TLK1: variants seen among roughly 807,000 people sequenced by gnomAD.
TLK1 encodes the protein tousled like kinase 1, also known as serine/threonine-protein kinase tousled-like 1.
In TLK1, 24 loss-of-function variants were observed where a neutral mutation model predicts 105.3. The observed-to-expected ratio is 0.23, with a 90% confidence interval of 0.17 to 0.32. TLK1 has a LOEUF of 0.32. TLK1 is among the 10% of genes least tolerant of loss of function. The pLI, the probability that TLK1 is intolerant of heterozygous loss-of-function variation, is 1.00. For synonymous variants in TLK1, 321 were observed against 310.4 expected (o/e 1.03, Z -0.36); for missense variants, 558 against 910.5 (o/e 0.61, Z 4.98).
intron 1 of TLK1, among the ~76,000 whole-genome samples, chr2:171,119,642 G>A (rs564971915): frequency 1.8e-4 from 28 of 152,282 alleles, no homozygotes; most frequent in South Asian, 1.2e-3. Flanking sequence ...ATAGAGCAAT[G>A]GGATAAAACA....
intron 2 of TLK1, among the ~76,000 whole-genome samples, chr2:171,108,524 T>C (rs1173054022): frequency 6.6e-6 from 1 of 151,776 alleles, no homozygotes; most frequent in Admixed American, 6.6e-5. Context: ...AAAAATGTAA[T>C]AAACAAAACT....
chr2:171,216,433 G>A (rs1320301529), intron 1 of TLK1, among the ~76,000 whole-genome samples: 1 of 152,112 alleles, frequency 6.6e-6, no homozygotes, highest in Non-Finnish European at 1.5e-5. Context: ...CCGAGATCAT[G>A]CCACTGCACT....
intron 8 of TLK1, 71 bp from the exon 9 acceptor site, chr2:171,050,245 T>C: frequency 1.8e-6 from 2 of 1,084,368 alleles, no homozygotes; most frequent in South Asian, 3.3e-5. Context: ...AGTTTTAATG[T>C]TCTAAATAAA....
chr2:171,033,891 T>TA lies in TLK1; in HGVS notation c.1170-5487_1170-5486insT, dbSNP rs763910676. Among the ~76,000 whole-genome samples, 532 of 134,362 alleles carry TA rather than the reference T, an allele frequency of 4.0e-3. 4 individuals carry two copies. Among genetic ancestry groups the TA allele is most frequent in the South Asian group, 0.031 (131 of 4,160 alleles). The allele number at this position is 134,362 out of a possible 152,430, so 88.1% of individuals were successfully genotyped here. On this transcript the variant is annotated intron_variant, in intron 11 of 20. Coordinates refer to ENST00000431350, the MANE Select transcript of TLK1 (RefSeq NM_012290.5). The stretch of plus-strand genomic sequence containing the variant: ...GTTAAGGGTTTAGTATCCAGATTTT[T>TA]TAAAAAAAAAAAAAAACCTCCCACA...
At chr2:171,225,820 C>T (rs1217923806) in intron 1 of TLK1, among the ~76,000 whole-genome samples, 1 of 152,148 alleles carries the variant, frequency 6.6e-6, no homozygotes, top group East Asian at 1.9e-4. Flanking sequence ...TTTCCCTGAC[C>T]TAAACTGAGA....
intron 20 of TLK1, among the ~76,000 whole-genome samples, chr2:170,995,105 T>C (rs575490755): frequency 1.3e-5 from 2 of 152,278 alleles, no homozygotes; most frequent in Non-Finnish European, 1.5e-5. Context: ...AGAGGACTTA[T>C]CTTTTTTATC....
At chr2:171,179,860 A>G (rs75258518) in intron 1 of TLK1, among the ~76,000 whole-genome samples, 6,856 of 152,166 alleles carry the variant, frequency 0.045, 444 homozygotes, top group East Asian at 0.3. Context: ...TTGAGAGGCC[A>G]AGGCTGGTGG....
intron 11 of TLK1, chr2:171,045,511 G>C (rs938403687): frequency 2.0e-5 from 3 of 150,834 alleles, no homozygotes; most frequent in Non-Finnish European, 4.4e-5. Flanking sequence ...CACCGTGCCC[G>C]GTCTATGTAT....
chr2:171,155,149 A>G (rs185812357), intron 1 of TLK1, among the ~76,000 whole-genome samples: 13 of 152,272 alleles, frequency 8.5e-5, no homozygotes, highest in Non-Finnish European at 1.3e-4. Context: ...CTCTAGCTTT[A>G]AAAACATTAG....
chr2:171,108,605 T>A (rs943121070), intron 2 of TLK1, among the ~76,000 whole-genome samples: 4 of 141,626 alleles, frequency 2.8e-5, no homozygotes, highest in African/African-American at 1.1e-4. Context: ...ATGCATTTAA[T>A]TTTTTTTTTT....
At chr2:171,117,694 TA>T (rs779234746) in intron 2 of TLK1, 44 bp downstream of exon 2, 1 of 1,466,322 alleles carries the variant, frequency 6.8e-7, no homozygotes, top group African/African-American at 1.4e-5. Flanking sequence ...TTAGATCATT[TA>T]ATAGAAAGAA....
At chr2:171,152,330 C>A (rs1206488273) in intron 1 of TLK1, among the ~76,000 whole-genome samples, 1 of 152,160 alleles carries the variant, frequency 6.6e-6, no homozygotes, top group East Asian at 1.9e-4. Context: ...TCTTGAAATT[C>A]ATTAAATTTC....
At chr2:171,112,372 G>A (rs1023375706) in intron 2 of TLK1, among the ~76,000 whole-genome samples, 21 of 152,286 alleles carry the variant, frequency 1.4e-4, no homozygotes, top group African/African-American at 5.1e-4. Context: ...AGAAAAATCT[G>A]AGTCTTTTAA....
intron 3 of TLK1, among the ~76,000 whole-genome samples, chr2:171,080,342 T>C (rs894604169): frequency 2.6e-5 from 4 of 151,938 alleles, no homozygotes; most frequent in Non-Finnish European, 4.4e-5. Context: ...TCATAAACTT[T>C]ACTACTAGGA....
intron 18 of TLK1, among the ~76,000 whole-genome samples, chr2:171,001,620 C>A (rs1325171668): frequency 6.6e-6 from 1 of 152,198 alleles, no homozygotes; most frequent in Non-Finnish European, 1.5e-5. Flanking sequence ...TAGAGTTACC[C>A]TGTCCCTTCC....
chr2:171,024,983 G>A (rs773136887), intron 12 of TLK1, among the ~76,000 whole-genome samples: 3 of 152,150 alleles, frequency 2.0e-5, no homozygotes, highest in Non-Finnish European at 2.9e-5. Context: ...ACGCTCTGCT[G>A]TGATTTTCCT....
At chr2:171,125,532 G>T (rs544344113) in intron 1 of TLK1, among the ~76,000 whole-genome samples, 1 of 151,704 alleles carries the variant, frequency 6.6e-6, no homozygotes, top group African/African-American at 2.4e-5. Flanking sequence ...TCAAAACACC[G>T]TCAAGCAATA....
rs200305472 is a variant in TLK1 at position 171,048,007 on chromosome 2, G to A, written c.981-1645C>T. ...TCTGTCGCCCAGGCTGGAGTGCAGT[G>A]GCATGATCTCGGCTCACTGCAGCCT... On this transcript the variant is annotated intron_variant, in intron 10 of 20. Coordinates refer to ENST00000431350, the MANE Select transcript of TLK1 (RefSeq NM_012290.5). Among the ~76,000 whole-genome samples the A allele has an allele frequency of 7.9e-5, 12 of 152,130 alleles. No homozygotes were observed. The South Asian group carries it at 8.3e-4, about 10-fold the overall frequency.
chr2:171,086,322 A>G (rs1688970553), intron 2 of TLK1, among the ~76,000 whole-genome samples: 1 of 152,184 alleles, frequency 6.6e-6, no homozygotes, highest in African/African-American at 2.4e-5. Flanking sequence ...GTACAAGACA[A>G]CACTTAGAAG....
Sources: gnomAD v4.1 joint callset for allele counts (sites outside exome capture counted in the v4.1 genomes callset) on GRCh38, gnomAD v4.1.1 for gene constraint, MANE v1.5 for transcripts, NCBI Gene and HGNC (gene_info 2026-07-23, HGNC 2026-07-21) for gene names.